NBPF9: variants seen among roughly 807,000 people sequenced by gnomAD.
NBPF9 encodes NBPF member 9.
Under a neutral mutation model 97.8 loss-of-function variants are expected in NBPF9, and 91 were observed. The observed-to-expected ratio is 0.93, with a 90% CI of 0.79 to 1.11. The LOEUF is 1.11. Ranked by LOEUF, NBPF9 falls within the 50% of genes least tolerant of loss-of-function variation. The pLI is 0.00. For synonymous variants in NBPF9, 334 were observed against 359.5 expected (o/e 0.93, Z 0.80); for missense variants, 992 against 939.5 (o/e 1.06, Z -0.73).
chr1:149,085,921 C>G (rs1553658323), intron 5 of NBPF9, among the ~76,000 whole-genome samples: 1 of 151,416 alleles, frequency 6.6e-6, no homozygotes, highest in Non-Finnish European at 1.5e-5. Flanking sequence ...AGTTCATCAG[C>G]CTTTCAACCC....
exon 30 of NBPF9, chr1:149,055,320 T>C (rs1297601446): frequency 3.4e-5 from 16 of 475,610 alleles, no homozygotes; most frequent in African/African-American, 2.9e-4. Context: ...ACAATGACCT[T>C]GAGCAGGTAT....
At chr1:149,062,238 T>C (rs782352499) in exon 22 of NBPF9, 15 of 919,978 alleles carry the variant, frequency 1.6e-5, no homozygotes, top group African/African-American at 8.4e-5. Flanking sequence ...CTTCAGGCTC[T>C]TTCTCATCCA....
rs782036650 is a variant in NBPF9, at chr1:149,072,981, T to A, written c.1092-49A>T. On this transcript the variant is annotated intron_variant, in intron 13 of 29. Transcript: ENST00000584027. ...ATTAAGAGTGGAAAGGGTTGAGTGATCCGCTCAAATATTGCAACAGAGATT... is the reference window on the plus strand; with the variant it reads ...ATTAAGAGTGGAAAGGGTTGAGTGAACCGCTCAAATATTGCAACAGAGATT... 2.5e-6 allele frequency: 4 copies of A among 1,577,894 alleles called. No homozygotes were observed. In the Admixed American group the frequency reaches 6.7e-5, roughly 26 times the overall value.
At chr1:149,064,766 T>C (rs1422513514) in intron 18 of NBPF9, 6 of 605,590 alleles carry the variant, frequency 9.9e-6, no homozygotes, top group African/African-American at 5.6e-5. Context: ...CCCCAATAAA[T>C]TGTAGGCAAA....
intron 5 of NBPF9, among the ~76,000 whole-genome samples, chr1:149,084,467 G>A (rs1391682796): frequency 2.0e-5 from 3 of 147,218 alleles, no homozygotes; most frequent in South Asian, 2.2e-4. Flanking sequence ...GTGGCGGAGC[G>A]AGGGCTACTG....
chr1:149,088,847 C>A, intron 5 of NBPF9, among the ~76,000 whole-genome samples: 1 of 151,774 alleles, frequency 6.6e-6, no homozygotes, highest in Non-Finnish European at 1.5e-5. Flanking sequence ...GGGATCCAAT[C>A]TCCCCTCAGT....
At chr1:149,082,572 C>T in intron 5 of NBPF9, 142 bp from the exon 6 acceptor site, 1 of 554,648 alleles carries the variant, frequency 1.8e-6, no homozygotes, top group South Asian at 2.2e-5. Flanking sequence ...ATTCCTTCAG[C>T]ATTCACTCTC....
At chr1:149,055,680 C>G (rs782732934) in exon 30 of NBPF9, 13 of 1,611,842 alleles carry the variant, frequency 8.1e-6, no homozygotes, top group South Asian at 6.6e-5. Flanking sequence ...TGACTTCCAT[C>G]TGGAACACCA....
At chr1:149,079,422 C>A (rs1312287931) in intron 8 of NBPF9, among the ~76,000 whole-genome samples, 1 of 151,696 alleles carries the variant, frequency 6.6e-6, no homozygotes, top group Non-Finnish European at 1.5e-5. Flanking sequence ...AGGGCTCCTG[C>A]AAGATCCTCG....
At chr1:149,100,712 T>C (rs587702481) in intron 3 of NBPF9, among the ~76,000 whole-genome samples, 2 of 152,192 alleles carry the variant, frequency 1.3e-5, no homozygotes, top group African/African-American at 2.4e-5. Flanking sequence ...AGTGGGAAGA[T>C]TACTTGAGCC....
chr1:149,062,936 C>T (rs782783797), intron 20 of NBPF9, 23 bp from the exon 21 acceptor site: 11 of 863,040 alleles, frequency 1.3e-5, no homozygotes, highest in Non-Finnish European at 2.0e-5. Flanking sequence ...CAGACATGGA[C>T]AGTCATATTA....
chr1:149,060,563 T>C (rs2078528225), exon 24 of NBPF9: 1 of 380,250 alleles, frequency 2.6e-6, no homozygotes, highest in Non-Finnish European at 4.6e-6. Flanking sequence ...TTTCCTCCAA[T>C]GCATAAAAGG....
chr1:149,059,363 A>G (rs1182751045), intron 25 of NBPF9: 1 of 448,656 alleles, frequency 2.2e-6, no homozygotes, highest in African/African-American at 2.5e-5. Context: ...GAAGGAGTAA[A>G]AGGACACTCT....
exon 16 of NBPF9, chr1:149,070,981 C>A (rs782742555): frequency 1.7e-5 from 27 of 1,612,346 alleles, no homozygotes; most frequent in Non-Finnish European, 2.2e-5. Context: ...AGAGGATGAG[C>A]CAATGAGAGT....
At chr1:149,076,668 ATT>A (rs200537943) in intron 11 of NBPF9, among the ~76,000 whole-genome samples, 7 of 129,408 alleles carry the variant, frequency 5.4e-5, no homozygotes, top group Admixed American at 7.9e-5. Flanking sequence ...ACGCCCAGCT[ATT>A]TTTTTTTTTT....
chr1:149,099,412 G>A (rs1393132315), intron 3 of NBPF9, among the ~76,000 whole-genome samples: 1 of 152,048 alleles, frequency 6.6e-6, no homozygotes, highest in Non-Finnish European at 1.5e-5. Flanking sequence ...TGAAAACTGT[G>A]ACACTTGGAG....
At chr1:149,082,544 T>G in intron 5 of NBPF9, 114 bp from the exon 6 acceptor site, 1 of 565,590 alleles carries the variant, frequency 1.8e-6, no homozygotes, top group South Asian at 2.1e-5. Flanking sequence ...CACCTGAGGG[T>G]CACCACCAAT....
intron 16 of NBPF9, among the ~76,000 whole-genome samples, chr1:149,070,351 G>C (rs1553652644): frequency 2.2e-5 from 3 of 133,546 alleles, no homozygotes; most frequent in Non-Finnish European, 4.7e-5. Context: ...AAAAATCCAC[G>C]ATGCTACAAA....
intron 3 of NBPF9, among the ~76,000 whole-genome samples, chr1:149,099,085 A>G (rs1455298642): frequency 4.0e-5 from 6 of 151,668 alleles, no homozygotes; most frequent in African/African-American, 1.5e-4. Flanking sequence ...CTGACTAAAT[A>G]CTTGAGTAGC....
Sources: allele counts gnomAD v4.1 joint callset (sites outside exome capture counted in the v4.1 genomes callset), GRCh38; gene constraint gnomAD v4.1.1; transcripts MANE v1.5; gene names NCBI Gene and HGNC (gene_info 2026-07-23, HGNC 2026-07-21).